The following PCDH9 variants were observed in gnomAD, a reference collection of about 807,000 sequenced individuals.
PCDH9 encodes the protein protocadherin-9.
A neutral mutation model predicts 70.6 loss-of-function variants in PCDH9; 24 were observed. The observed-to-expected ratio is 0.34, with a 90% CI of 0.25 to 0.48. The LOEUF is 0.48. Ranked by LOEUF, PCDH9 falls within the 20% of genes least tolerant of loss-of-function variation. The pLI, the probability that PCDH9 is intolerant of heterozygous loss-of-function variation, is 0.99. For synonymous variants in PCDH9, 562 were observed against 558.5 expected (o/e 1.01, Z -0.09); for missense variants, 1,281 against 1,503.6 (o/e 0.85, Z 2.45).
intron 3 of PCDH9, among the ~76,000 whole-genome samples, chr13:66,642,513 G>T (rs762275279): frequency 2.5e-4 from 38 of 152,070 alleles, no homozygotes; most frequent in South Asian, 4.1e-4. Context: ...GGTACTTAAT[G>T]ATTCATATGC....
intron 4 of PCDH9, among the ~76,000 whole-genome samples, chr13:66,544,705 A>G (rs1961108329): frequency 6.6e-6 from 1 of 152,126 alleles, no homozygotes; most frequent in Non-Finnish European, 1.5e-5. Flanking sequence ...CTATGAAAGG[A>G]GAGGTAACTT....
chr13:67,190,277 A>T (rs1478936272), intron 2 of PCDH9, among the ~76,000 whole-genome samples: 1 of 151,970 alleles, frequency 6.6e-6, no homozygotes. Context: ...GCATCAAAAC[A>T]TTAGAGACGC....
chr13:66,781,375 A>T (rs1459164848), intron 3 of PCDH9, among the ~76,000 whole-genome samples: 5 of 152,210 alleles, frequency 3.3e-5, no homozygotes, highest in Non-Finnish European at 5.9e-5. Flanking sequence ...AATCAGCTGT[A>T]CAGATGGGTT....
chr13:66,831,106 C>T (rs2080917622), intron 3 of PCDH9, among the ~76,000 whole-genome samples: 1 of 152,124 alleles, frequency 6.6e-6, no homozygotes. Context: ...GAATCAGGCT[C>T]TCCATGGACA....
At chr13:66,775,484 T>C (rs1314529683) in intron 3 of PCDH9, among the ~76,000 whole-genome samples, 1 of 152,142 alleles carries the variant, frequency 6.6e-6, no homozygotes, top group Non-Finnish European at 1.5e-5. Flanking sequence ...CACTTGTACA[T>C]GGATTTCCTT....
rs139175385 is a variant in PCDH9, at chr13:66,503,978, G to C, written c.3340+127232C>G. Among the ~76,000 whole-genome samples, 1,069 of 152,236 alleles carry C rather than the reference G, an allele frequency of 7.0e-3. 35 individuals are homozygous for C. The East Asian group carries it at 0.092, about 13-fold the overall frequency. ...CAAGACCCAGAAGTCAGGCTGTGTC[G>C]TAACTACGTGTCCAACTTCATTTCA... On this transcript the variant is annotated intron_variant, in intron 4 of 4. Coordinates refer to ENST00000377865, the MANE Select transcript of PCDH9 (RefSeq NM_203487.3).
intron 4 of PCDH9, among the ~76,000 whole-genome samples, chr13:66,451,605 C>T (rs188989602): frequency 6.6e-6 from 1 of 152,140 alleles, no homozygotes; most frequent in African/African-American, 2.4e-5. Context: ...ATTCAAAACA[C>T]TAGCACATCC....
intron 4 of PCDH9, among the ~76,000 whole-genome samples, chr13:66,593,513 G>A (rs2077062284): frequency 6.6e-6 from 1 of 151,640 alleles, no homozygotes; most frequent in African/African-American, 2.4e-5. Flanking sequence ...TTATGACTGA[G>A]TATATATTAT....
chr13:66,801,233 T>G (rs2080321733), intron 3 of PCDH9, among the ~76,000 whole-genome samples: 1 of 152,106 alleles, frequency 6.6e-6, no homozygotes, highest in Admixed American at 6.6e-5. Context: ...TAACATTATT[T>G]TGAATAATGA....
intron 2 of PCDH9, among the ~76,000 whole-genome samples, chr13:66,981,249 T>A (rs1373426094): frequency 6.6e-6 from 1 of 152,012 alleles, no homozygotes; most frequent in Non-Finnish European, 1.5e-5. Flanking sequence ...CCATCGTGGC[T>A]AACACGGTGA....
chr13:67,100,209 CT>C (rs1352814205), intron 2 of PCDH9, among the ~76,000 whole-genome samples: 4 of 152,040 alleles, frequency 2.6e-5, no homozygotes, highest in African/African-American at 7.2e-5. Flanking sequence ...GATTATATGC[CT>C]ATTGCTTTTT....
chr13:67,217,083 C>T (rs1235763491), intron 2 of PCDH9: 1 of 152,014 alleles, frequency 6.6e-6, no homozygotes, highest in African/African-American at 2.4e-5. Flanking sequence ...CAGCTGCTAT[C>T]ACACAGAGGC....
intron 3 of PCDH9, among the ~76,000 whole-genome samples, chr13:66,638,680 G>A (rs915737119): frequency 6.6e-6 from 1 of 152,096 alleles, no homozygotes; most frequent in African/African-American, 2.4e-5. Flanking sequence ...GACATGTTAT[G>A]AGCTTACAGT....
chr13:66,745,747 AT>A (rs530326158), intron 3 of PCDH9, among the ~76,000 whole-genome samples: 60 of 152,014 alleles, frequency 3.9e-4, no homozygotes, highest in East Asian at 1.4e-3. Flanking sequence ...GAATTTGTAT[AT>A]TTTTTTTAAT....
At chr13:66,640,470 T>A (rs1197106096) in intron 3 of PCDH9, among the ~76,000 whole-genome samples, 1 of 151,852 alleles carries the variant, frequency 6.6e-6, no homozygotes, top group Non-Finnish European at 1.5e-5. Flanking sequence ...TATACAATAA[T>A]TAACCTCAGA....
At chr13:66,401,094 A>G (rs1399454387) in intron 4 of PCDH9, among the ~76,000 whole-genome samples, 1 of 152,214 alleles carries the variant, frequency 6.6e-6, no homozygotes, top group Non-Finnish European at 1.5e-5. Context: ...TGTGGTATGC[A>G]ATAGTATGAT....
At chr13:66,424,490 G>T (rs1211541136) in intron 4 of PCDH9, among the ~76,000 whole-genome samples, 2 of 151,916 alleles carry the variant, frequency 1.3e-5, no homozygotes, top group East Asian at 3.8e-4. Context: ...GACCTGCATG[G>T]ATGGCATTCT....
rs149799226 is a variant in PCDH9, at chr13:66,308,876, CTG to C, written c.3341-3850_3341-3849del. Among the ~76,000 whole-genome samples, 1,423 of 151,958 alleles carry C rather than the reference CTG, an allele frequency of 9.4e-3. 23 individuals are homozygous for C. Among genetic ancestry groups the C allele is most frequent in the African/African-American group, 0.032 (1,334 of 41,474 alleles). ...CCAGTCTCTAGACCGGGGCTCAAAA[CTG>C]AGCCAAGACAGCAAAAAATAAAAAC... On this transcript the variant is annotated intron_variant, in intron 4 of 4. Coordinates refer to ENST00000377865, the MANE Select transcript of PCDH9 (RefSeq NM_203487.3).
At chr13:67,134,717 A>C (rs1049880538) in intron 2 of PCDH9, among the ~76,000 whole-genome samples, 5 of 152,180 alleles carry the variant, frequency 3.3e-5, no homozygotes, top group Admixed American at 3.3e-4. Context: ...GCAAACACAC[A>C]CTCAGAAACA....
Sources: allele counts gnomAD v4.1 joint callset (sites outside exome capture counted in the v4.1 genomes callset), GRCh38; gene constraint gnomAD v4.1.1; transcripts MANE v1.5; gene names NCBI Gene and HGNC (gene_info 2026-07-23, HGNC 2026-07-21).